The following ASIC5 variants were observed in gnomAD, a reference collection of about 807,000 sequenced individuals.
ASIC5 encodes acid sensing ion channel subunit family member 5, also known as bile acid-sensitive ion channel.
ASIC5 carries 52 observed loss-of-function variants against 51.2 expected under a neutral mutation model. The observed-to-expected ratio is 1.02, with a 90% confidence interval of 0.81 to 1.28. The LOEUF (loss-of-function observed/expected upper bound fraction) is 1.28. ASIC5 is among the 50% of genes most tolerant of loss of function. ASIC5 has a pLI of 0.00. For missense variants in ASIC5, 635 were observed against 595.0 expected, an observed-to-expected ratio of 1.07 and a Z score of -0.70; for synonymous variants, 231 against 200.7, an observed-to-expected ratio of 1.15 and a Z score of -1.28.
At chr4:155,837,053 A>G (rs1488059975) in intron 7 of ASIC5, among the ~76,000 whole-genome samples, 196 bp from the exon 8 acceptor site, 1 of 152,188 alleles carries the variant, frequency 6.6e-6, no homozygotes, top group East Asian at 1.9e-4. Context: ...GGAAGTTCCA[A>G]TCTTTGAATT....
rs533528167 is a variant in ASIC5, at chr4:155,865,512, A to G, written c.40+675T>C. ...ACTATTAGAAGGGGAAGACTAATGT[A>G]GTAACTAGTTACTGACAAGCAAAGT... is the stretch of plus-strand genomic sequence containing the variant. On this transcript the variant is annotated intron_variant, in intron 1 of 9. Coordinates refer to ENST00000537611, the MANE Select transcript of ASIC5 (RefSeq NM_017419.3). Among the ~76,000 whole-genome samples, 4 of 152,286 alleles carry G rather than the reference A, an allele frequency of 2.6e-5. No individual in the cohort carries two copies. The South Asian group carries it at 8.3e-4, about 32-fold the overall frequency.
intron 7 of ASIC5, among the ~76,000 whole-genome samples, chr4:155,837,647 C>T (rs989729198): frequency 2.6e-5 from 4 of 152,108 alleles, no homozygotes; most frequent in Non-Finnish European, 4.4e-5. Flanking sequence ...GTTTGCTTTT[C>T]AGACTCTAAC....
chr4:155,839,827 GA>G (rs554030964), intron 6 of ASIC5, among the ~76,000 whole-genome samples: 16 of 150,322 alleles, frequency 1.1e-4, no homozygotes, highest in African/African-American at 3.6e-4. Flanking sequence ...GAGCAATTCA[GA>G]AAAAAAAGAT....
At chr4:155,857,560 T>G (rs56999218) in intron 2 of ASIC5, among the ~76,000 whole-genome samples, 4,388 of 152,266 alleles carry the variant, frequency 0.029, 97 homozygotes, top group South Asian at 0.059. Flanking sequence ...CAAAAATATA[T>G]TAATTTGTTT....
intron 2 of ASIC5, among the ~76,000 whole-genome samples, chr4:155,861,825 G>A (rs1242778578): frequency 6.6e-6 from 1 of 151,878 alleles, no homozygotes; most frequent in African/African-American, 2.4e-5. Flanking sequence ...ATCTCTGTGT[G>A]TTCTCTCTTC....
At chr4:155,853,712 T>A (rs6856336) in intron 3 of ASIC5, among the ~76,000 whole-genome samples, 147,052 of 150,680 alleles carry the variant, frequency 0.98, 71,788 homozygotes, top group East Asian at 1. Flanking sequence ...TAAGCATATA[T>A]GCAGAGTGAT....
chr4:155,851,223 A>G (rs553982287), intron 4 of ASIC5, among the ~76,000 whole-genome samples: 1 of 152,200 alleles, frequency 6.6e-6, no homozygotes, highest in East Asian at 1.9e-4. Flanking sequence ...TAATATTTGA[A>G]TGACTCGAAA....
intron 4 of ASIC5, among the ~76,000 whole-genome samples, chr4:155,847,537 A>G (rs1741282856): frequency 6.6e-6 from 1 of 151,982 alleles, no homozygotes; most frequent in African/African-American, 2.4e-5. Context: ...CCTGGCCAAT[A>G]TGGTGAAACC....
In ASIC5 at chr4:155,866,240, T is replaced by C; in HGVS notation, c.-14A>G. 6.2e-7 allele frequency: 1 copy of C among 1,606,054 alleles called. No homozygotes were observed. The highest frequency in any genetic ancestry group is 8.5e-7 in the Non-Finnish European group (1 of 1,173,718). Reference sequence around the variant, plus strand: ...TGTCTGCTCCATTTGTGATTTCAGTTAAGCAAGAGTCCTCAGGGTAACCCA... The same window carrying C: ...TGTCTGCTCCATTTGTGATTTCAGTCAAGCAAGAGTCCTCAGGGTAACCCA... On this transcript the variant is annotated 5_prime_UTR_variant, in exon 1 of 10. Coordinates refer to ENST00000537611, the MANE Select transcript of ASIC5 (RefSeq NM_017419.3).
At chr4:155,843,439 C>A (rs1006061139) in intron 5 of ASIC5, among the ~76,000 whole-genome samples, 2 of 152,084 alleles carry the variant, frequency 1.3e-5, no homozygotes, top group Non-Finnish European at 2.9e-5. Context: ...TACTTAATGA[C>A]CCTTTCCATT....
intron 1 of ASIC5, chr4:155,865,172 G>T (rs1741830108): frequency 6.6e-6 from 1 of 151,722 alleles, no homozygotes; most frequent in African/African-American, 2.4e-5. Flanking sequence ...ATTATATTAT[G>T]ATTATTATTC....
intron 6 of ASIC5, among the ~76,000 whole-genome samples, chr4:155,841,274 T>C (rs906218302): frequency 5.9e-5 from 9 of 152,152 alleles, no homozygotes; most frequent in African/African-American, 1.9e-4. Flanking sequence ...AGATATGCTG[T>C]GGGAGGGGGA....
In ASIC5 at chr4:155,835,322, G is replaced by A. The variant is rs920328215; in HGVS notation, c.1235+1367C>T. 5.3e-5 allele frequency among the ~76,000 whole-genome samples: 8 copies of A among 151,856 alleles called. No homozygotes were observed. The South Asian group carries it at 1.5e-3, about 28-fold the overall frequency. On this transcript the variant is annotated intron_variant, in intron 8 of 9. Transcript: ENST00000537611. ...TGCTCTCCATAGGAGTTTGAGCTGC[G>A]GGGATACCGAACAGGCGAGCAACAC...
chr4:155,859,330 T>C (rs964348247), intron 2 of ASIC5, among the ~76,000 whole-genome samples: 1 of 152,082 alleles, frequency 6.6e-6, no homozygotes, highest in African/African-American at 2.4e-5. Context: ...GACATGAATA[T>C]ATAGGCCATT....
intron 9 of ASIC5, among the ~76,000 whole-genome samples, chr4:155,831,418 C>G (rs1415125412): frequency 6.6e-6 from 1 of 151,996 alleles, no homozygotes; most frequent in African/African-American, 2.4e-5. Flanking sequence ...TTCTTGTCCT[C>G]CACTGGTAAG....
At chr4:155,854,413 TC>T in intron 2 of ASIC5, 99 bp from the exon 3 acceptor site, 1 of 844,060 alleles carries the variant, frequency 1.2e-6, no homozygotes, top group Non-Finnish European at 1.9e-6. Flanking sequence ...TCTTCTTATC[TC>T]CCACACTCTC....
In ASIC5 at chr4:155,863,605, G is replaced by A; in HGVS notation, c.190C>T (p.Leu64Phe). 6.2e-7 allele frequency: 1 copy of A among 1,613,768 alleles called. No homozygotes were observed. The highest frequency in any genetic ancestry group is 8.5e-7 in the Non-Finnish European group (1 of 1,179,902). ...GAGCCCAGAACCACCACCAACCAGA[G>A]CACCCTGCGAATTTTGCTCCGGTTC... ...VQNRSKIRRV[L>F]WLVVVLGSVS... The change falls in exon 2 of 10, where the codon CTC (leucine) becomes TTC (phenylalanine). Residue 64 changes from leucine to phenylalanine, a missense_variant. Transcript: ENST00000537611.
rs1252250194 is a variant in ASIC5, at chr4:155,863,419, C to A, written c.347+29G>T. The A allele has an allele frequency of 2.6e-6, 4 of 1,528,162 alleles. No individual in the cohort carries two copies. The Admixed American group carries it at 7.2e-5, about 28-fold the overall frequency. The allele number at this position is 1,528,162 out of a possible 1,614,324, so 94.7% of individuals were successfully genotyped here. A position where few individuals can be genotyped will look rare whatever the true frequency, so the allele number is the denominator to read the frequency against. ...GATTATACTAGCAAATTTATAGGAA[C>A]TAATTATTTTTAAAAAAGTAATTTT... is the stretch of plus-strand genomic sequence containing the variant. On this transcript the variant is annotated intron_variant, in intron 2 of 9. Transcript: ENST00000537611.
In ASIC5 at chr4:155,863,568, A is replaced by G; in HGVS notation, c.227T>C (p.Val76Ala). 6.2e-7 allele frequency: 1 copy of G among 1,613,714 alleles called. No individual in the cohort carries two copies. The highest frequency in any genetic ancestry group is 2.2e-5 in the East Asian group (1 of 44,838). Residue 76 changes from valine to alanine, a missense_variant, in exon 2 of 10, where the codon GTG becomes GCG. Transcript: ENST00000537611. ...CAAGCGAATGTAGATCTGCCATGTCACAAGTGAGACTGAGCCCAGAACCAC... is the reference window on the plus strand; with the variant it reads ...CAAGCGAATGTAGATCTGCCATGTCGCAAGTGAGACTGAGCCCAGAACCAC... Reference protein sequence around the residue: ...LVVVLGSVSLVTWQIYIRLLN... With the variant: ...LVVVLGSVSLATWQIYIRLLN...
Sources: gnomAD v4.1 joint callset for allele counts (sites outside exome capture counted in the v4.1 genomes callset) on GRCh38, gnomAD v4.1.1 for gene constraint, MANE v1.5 for transcripts, NCBI Gene and HGNC (gene_info 2026-07-23, HGNC 2026-07-21) for gene names.